Variants in KLLN observed in about 807,000 individuals in gnomAD.
KLLN encodes killin.
For synonymous variants in KLLN, 142 were observed against 102.2 expected, an observed-to-expected ratio of 1.39 and a Z score of -2.35; for missense variants, 340 against 241.3, an observed-to-expected ratio of 1.41 and a Z score of -2.71.
chr10:87,862,211 G>C lies in KLLN; in HGVS notation c.277C>G (p.Arg93Gly), dbSNP rs1321815876. The C allele has an allele frequency of 1.4e-5, 21 of 1,551,548 alleles. No homozygotes were observed. The highest frequency in any genetic ancestry group is 1.6e-5 in the Non-Finnish European group (18 of 1,147,002). ...SGGKSSSSFARGALAWCRQRN... is the reference protein window; with the variant it reads ...SGGKSSSSFAGGALAWCRQRN... ...TGCCTGCACCAGGCAAGAGCACCCC[G>C]AGCAAAGGAAGAAGACGACTTGCCT... is the stretch of plus-strand genomic sequence containing the variant. The change falls in exon 1 of 1, where the codon CGG becomes GGG. Residue 93 changes from arginine to glycine, a missense_variant. Physicochemically the swap from Arg to Gly is moderately radical, Grantham distance 125 (BLOSUM62 -2). Transcript: ENST00000445946.
chr10:87,862,248 A>G lies in KLLN; in HGVS notation c.240T>C (p.Ser80=), dbSNP rs1391751075. The change falls in exon 1 of 1, where the codon AGT becomes AGC. Residue 80 remains serine (S), a synonymous_variant. Coordinates refer to ENST00000445946, the MANE Select transcript of KLLN (RefSeq NM_001126049.2). ...VGELSKFPLP[S]DSSGGKSSSS... ...AAGACGACTTGCCTCCGGAGCTATC[A>G]CTGGGGAGTGGGAATTTGGAAAGTT... 7 of 1,551,598 alleles carry G rather than the reference A, an allele frequency of 4.5e-6. No individual in the cohort carries two copies. The highest frequency in any genetic ancestry group is 6.1e-6 in the Non-Finnish European group (7 of 1,146,992).
At position 87,860,015 on chromosome 10, in the gene KLLN, C is replaced by CAAAAAAAAAAAAAAA. The variant is rs5786795; in HGVS notation, c.*1921_*1935dup. ...CACTCCAGCCTGTGAGACTCCGTCT[C>CAAAAAAAAAAAAAAA]AAAAAAAAAAAAAAAAAAAGAAAAA... On this transcript the variant is annotated 3_prime_UTR_variant, in exon 1 of 1. Coordinates refer to ENST00000445946, the MANE Select transcript of KLLN (RefSeq NM_001126049.2). The CAAAAAAAAAAAAAAA allele has an allele frequency of 3.5e-4, 12 of 34,248 alleles. No individual in the cohort carries two copies. Among genetic ancestry groups the CAAAAAAAAAAAAAAA allele is most frequent in the Non-Finnish European group, 4.0e-4 (6 of 15,138 alleles). The allele number at this position is 34,248 out of a possible 1,614,324, so 2.1% of individuals were successfully genotyped here. A position where few individuals can be genotyped will look rare whatever the true frequency, so the allele number is the denominator to read the frequency against.
Position 87,863,519 on chromosome 10 carries a change from G to A in KLLN, c.-1032C>T. On this transcript the variant is annotated 5_prime_UTR_variant, in exon 1 of 1. Coordinates refer to ENST00000445946, the MANE Select transcript of KLLN (RefSeq NM_001126049.2). Reference sequence around the variant, plus strand: ...GGTCTTCCGAGGCGCCCGGGCTCCCGGCGCGGCGGCGGAGGGGGCGGGCAG... The same window carrying A: ...GGTCTTCCGAGGCGCCCGGGCTCCCAGCGCGGCGGCGGAGGGGGCGGGCAG... 1 of 385,342 alleles carries A rather than the reference G, an allele frequency of 2.6e-6. No homozygotes were observed. 23.9% of individuals were successfully genotyped at this position (385,342 alleles called of 1,614,324 possible).
Position 87,862,251 on chromosome 10 carries a change from G to C in KLLN, c.237C>G (p.Pro79=), listed in dbSNP as rs1030256318. 1 of 1,551,724 alleles carries C rather than the reference G, an allele frequency of 6.4e-7. No homozygotes were observed. The highest frequency in any genetic ancestry group is 8.7e-7 in the Non-Finnish European group (1 of 1,147,000). The change falls in exon 1 of 1, where the codon CCC becomes CCG. Residue 79 remains proline, a synonymous_variant. Coordinates refer to ENST00000445946, the MANE Select transcript of KLLN (RefSeq NM_001126049.2). ...LVGELSKFPL[P]SDSSGGKSSS... ...ACGACTTGCCTCCGGAGCTATCACTGGGGAGTGGGAATTTGGAAAGTTCCC... is the reference window on the plus strand; with the variant it reads ...ACGACTTGCCTCCGGAGCTATCACTCGGGAGTGGGAATTTGGAAAGTTCCC...
rs876661284 is a variant in KLLN at position 87,863,325 on chromosome 10, A to G, written c.-838T>C. ...TGGCGGCTGGGAACCGGCCCGAGCAAGCCCCAGGCAGCTACACTGGGCATG... is the reference window on the plus strand; with the variant it reads ...TGGCGGCTGGGAACCGGCCCGAGCAGGCCCCAGGCAGCTACACTGGGCATG... On this transcript the variant is annotated 5_prime_UTR_variant, in exon 1 of 1. Coordinates refer to ENST00000445946, the MANE Select transcript of KLLN (RefSeq NM_001126049.2). 3.5e-6 allele frequency: 1 copy of G among 282,836 alleles called. No individual in the cohort carries two copies. The highest frequency in any genetic ancestry group is 5.4e-5 in the Admixed American group (1 of 18,522). 17.5% of individuals were successfully genotyped at this position (282,836 alleles called of 1,614,324 possible).
rs867510233 is a variant in KLLN at position 87,861,983 on chromosome 10, C to G, written c.505G>C (p.Ala169Pro). ...TTTGGCTTGCTCTTAGGGTAGCAGG[C>G]GAGGAGTGGCACCAGTTTGGGGACT... ...ERVPKLVPLLACYPKSKPKD is the reference protein window; with the variant it reads ...ERVPKLVPLLPCYPKSKPKD The change falls in exon 1 of 1, where the codon GCC (alanine) becomes CCC (proline). Residue 169 changes from alanine (A) to proline (P), a missense_variant. Ala to Pro is a conservative substitution (Grantham distance 27, BLOSUM62 -1). Transcript: ENST00000445946. 1 of 1,466,608 alleles carries G rather than the reference C, an allele frequency of 6.8e-7. No homozygotes were observed. Among genetic ancestry groups the G allele is most frequent in the Non-Finnish European group, 9.0e-7 (1 of 1,108,250 alleles). 90.8% of individuals were successfully genotyped at this position (1,466,608 alleles called of 1,614,324 possible).
Position 87,862,629 on chromosome 10 carries a change from G to A in KLLN, c.-142C>T. The A allele has an allele frequency of 1.3e-6, 1 of 745,884 alleles. No homozygotes were observed. The highest frequency in any genetic ancestry group is 2.7e-5 in the East Asian group (1 of 36,892). The allele number at this position is 745,884 out of a possible 1,614,324, so 46.2% of individuals were successfully genotyped here. A position where few individuals can be genotyped will look rare whatever the true frequency, so the allele number is the denominator to read the frequency against. On this transcript the variant is annotated 5_prime_UTR_variant, in exon 1 of 1. Coordinates refer to ENST00000445946, the MANE Select transcript of KLLN (RefSeq NM_001126049.2). ...CTTGGGGGCACCGGAGCGGGCGCAGGAGAGGCCTGCGGGGTGCGTCCCACT... is the reference window on the plus strand; with the variant it reads ...CTTGGGGGCACCGGAGCGGGCGCAGAAGAGGCCTGCGGGGTGCGTCCCACT...
chr10:87,862,285 G>T lies in KLLN; in HGVS notation c.203C>A (p.Ser68Tyr). 1.3e-6 allele frequency: 2 copies of T among 1,551,726 alleles called. No individual in the cohort carries two copies. Among genetic ancestry groups the T allele is most frequent in the South Asian group, 2.4e-5 (2 of 84,068 alleles). Residue 68 changes from serine to tyrosine, a missense_variant, in exon 1 of 1, where the codon TCC becomes TAC. Ser to Tyr is a moderately radical substitution (Grantham distance 144). Transcript: ENST00000445946. The stretch of plus-strand genomic sequence containing the variant: ...GAATTTGGAAAGTTCCCCAACTAGG[G>T]ACACACGTGACCTCCTTCGGAAAGT... ...GTTFRRRSRV[S>Y]LVGELSKFPL...
chr10:87,862,061 G>A lies in KLLN; in HGVS notation c.427C>T (p.Pro143Ser). Residue 143 changes from proline (P) to serine (S), a missense_variant, in exon 1 of 1, where the codon CCC becomes TCC. Pro to Ser is a moderately conservative substitution (Grantham distance 74). Transcript: ENST00000445946. ...GGCAGCCAGCAGGCGGGGAGGCGGG[G>A]GCACGTGTTTGGATGTGGGTGCTTG... ...LHKHPHPNTCPRLPACWLPPI... is the reference protein window; with the variant it reads ...LHKHPHPNTCSRLPACWLPPI... The A allele has an allele frequency of 6.7e-7, 1 of 1,498,774 alleles. No individual in the cohort carries two copies. Among genetic ancestry groups the A allele is most frequent in the Admixed American group, 2.3e-5 (1 of 43,028 alleles). 92.8% of individuals were successfully genotyped at this position (1,498,774 alleles called of 1,614,324 possible). A position where few individuals can be genotyped will look rare whatever the true frequency, so the allele number is the denominator to read the frequency against.
At position 87,861,418 on chromosome 10, in the gene KLLN, T is replaced by C. The variant is rs1158307852; in HGVS notation, c.*533A>G. Reference sequence around the variant, plus strand: ...CAACCTAGGTCTCGTTAGATATTTTTTGACTCAAATTGTCGTCTGTAGTTC... The same window carrying C: ...CAACCTAGGTCTCGTTAGATATTTTCTGACTCAAATTGTCGTCTGTAGTTC... On this transcript the variant is annotated 3_prime_UTR_variant, in exon 1 of 1. Transcript: ENST00000445946. 3 of 152,878 alleles carry C rather than the reference T, an allele frequency of 2.0e-5. No individual in the cohort carries two copies. The highest frequency in any genetic ancestry group is 7.2e-5 in the African/African-American group (3 of 41,490). The allele number at this position is 152,878 out of a possible 1,614,324, so 9.5% of individuals were successfully genotyped here.
rs1218806407 is a variant in KLLN, at chr10:87,863,411, C to G, written c.-924G>C. 2.7e-6 allele frequency: 1 copy of G among 366,886 alleles called. No individual in the cohort carries two copies. The allele number at this position is 366,886 out of a possible 1,614,324, so 22.7% of individuals were successfully genotyped here. On this transcript the variant is annotated 5_prime_UTR_variant, in exon 1 of 1. Transcript: ENST00000445946. ...GCACCCAGAGCTACCGCTCTGCCCC[C>G]TCCTACCGCCCCCTGCCCTGCCCTG...
In KLLN at chr10:87,862,806, G is replaced by A; in HGVS notation, c.-319C>T. On this transcript the variant is annotated 5_prime_UTR_variant, in exon 1 of 1. Coordinates refer to ENST00000445946, the MANE Select transcript of KLLN (RefSeq NM_001126049.2). ...CCGGGGAAGCGAGAGGTGGGGCGCT[G>A]CAAGGGAGCCGGATGAGGTGATACA... 1 of 446,874 alleles carries A rather than the reference G, an allele frequency of 2.2e-6. No individual in the cohort carries two copies. The highest frequency in any genetic ancestry group is 3.8e-5 in the East Asian group (1 of 26,614). 27.7% of individuals were successfully genotyped at this position (446,874 alleles called of 1,614,324 possible). A position where few individuals can be genotyped will look rare whatever the true frequency, so the allele number is the denominator to read the frequency against.
rs1858279097 is a variant in KLLN, at chr10:87,862,293, T to G, written c.195A>C (p.Ser65=). 3.2e-6 allele frequency: 5 copies of G among 1,551,632 alleles called. No individual in the cohort carries two copies. The highest frequency in any genetic ancestry group is 1.4e-5 in the African/African-American group (1 of 73,052). ...ATVGTTFRRR[S]RVSLVGELSK... is the part of the protein sequence containing the mutation. ...AAAGTTCCCCAACTAGGGACACACG[T>G]GACCTCCTTCGGAAAGTAGTTCCGA... Residue 65 remains serine (S), a synonymous_variant, in exon 1 of 1, where the codon TCA becomes TCC. Transcript: ENST00000445946.
rs1453370929 is a variant in KLLN at position 87,863,334 on chromosome 10, C to A, written c.-847G>T. ...GGAACCGGCCCGAGCAAGCCCCAGG[C>A]AGCTACACTGGGCATGCTCAGTAGA... On this transcript the variant is annotated 5_prime_UTR_variant, in exon 1 of 1. Coordinates refer to ENST00000445946, the MANE Select transcript of KLLN (RefSeq NM_001126049.2). 2 of 297,534 alleles carry A rather than the reference C, an allele frequency of 6.7e-6. No homozygotes were observed. Among genetic ancestry groups the A allele is most frequent in the East Asian group, 1.1e-4 (2 of 18,512 alleles). The allele number at this position is 297,534 out of a possible 1,614,324, so 18.4% of individuals were successfully genotyped here.
the KLLN span, chr10:87,862,169 AAGGG>A: frequency 6.4e-7 from 1 of 1,551,298 alleles, no homozygotes; most frequent in African/African-American, 1.4e-5. Flanking sequence ...GCGGCGCAGG[AAGGG>A]TTGGGGTTCC....
Position 87,862,046 on chromosome 10 carries a change from A to G in KLLN, c.442T>C (p.Cys148Arg), listed in dbSNP as rs1478683393. The change falls in exon 1 of 1, where the codon TGC (cysteine) becomes CGC (arginine). Residue 148 changes from cysteine to arginine, a missense_variant. Transcript: ENST00000445946. ...HPNTCPRLPA[C>R]WLPPILTERG... Reference sequence around the variant, plus strand: ...TCTGTAAGAATCGGCGGCAGCCAGCAGGCGGGGAGGCGGGGGCACGTGTTT... The same window carrying G: ...TCTGTAAGAATCGGCGGCAGCCAGCGGGCGGGGAGGCGGGGGCACGTGTTT... The G allele has an allele frequency of 2.7e-6, 4 of 1,490,420 alleles. No individual in the cohort carries two copies. The South Asian group carries it at 5.4e-5, about 20-fold the overall frequency. 92.3% of individuals were successfully genotyped at this position (1,490,420 alleles called of 1,614,324 possible). A position where few individuals can be genotyped will look rare whatever the true frequency, so the allele number is the denominator to read the frequency against.
Position 87,862,009 on chromosome 10 carries a change from C to A in KLLN, c.479G>T (p.Arg160Ile), listed in dbSNP as rs1858265609. 6.8e-7 allele frequency: 1 copy of A among 1,478,776 alleles called. No individual in the cohort carries two copies. Among genetic ancestry groups the A allele is most frequent in the Non-Finnish European group, 9.0e-7 (1 of 1,113,764 alleles). The allele number at this position is 1,478,776 out of a possible 1,614,324, so 91.6% of individuals were successfully genotyped here. A position where few individuals can be genotyped will look rare whatever the true frequency, so the allele number is the denominator to read the frequency against. Reference protein sequence around the residue: ...LPPILTERGERVPKLVPLLAC... With the variant: ...LPPILTERGEIVPKLVPLLAC... The stretch of plus-strand genomic sequence containing the variant: ...GAGGAGTGGCACCAGTTTGGGGACT[C>A]TCTCCCCGCGTTCTGTAAGAATCGG... The change falls in exon 1 of 1, where the codon AGA becomes ATA. Residue 160 changes from arginine to isoleucine, a missense_variant. Coordinates refer to ENST00000445946, the MANE Select transcript of KLLN (RefSeq NM_001126049.2).
At position 87,862,315 on chromosome 10, in the gene KLLN, C is replaced by G. The variant is rs1173072586; in HGVS notation, c.173G>C (p.Gly58Ala). 3 of 1,551,752 alleles carry G rather than the reference C, an allele frequency of 1.9e-6. No homozygotes were observed. Among genetic ancestry groups the G allele is most frequent in the East Asian group, 2.4e-5 (1 of 40,928 alleles). The change falls in exon 1 of 1, where the codon GGA (glycine) becomes GCA (alanine). Residue 58 changes from glycine (G) to alanine (A), a missense_variant. Transcript: ENST00000445946. ...RRWKDTRATV[G>A]TTFRRRSRVS... ...ACGTGACCTCCTTCGGAAAGTAGTT[C>G]CGACTGTGGCCCGTGTATCCTTCCA...
At position 87,859,365 on chromosome 10, in the gene KLLN, T is replaced by A. The variant is rs557052599; in HGVS notation, c.*2586A>T. 8 of 152,244 alleles carry A rather than the reference T, an allele frequency of 5.3e-5. No individual in the cohort carries two copies. Among genetic ancestry groups the A allele is most frequent in the Non-Finnish European group, 1.2e-4 (8 of 68,010 alleles). The allele number at this position is 152,244 out of a possible 1,614,324, so 9.4% of individuals were successfully genotyped here. ...AAGATTGTTTAAAAATTAAAGCTATTGAGTTAGATCCCTTTTTGAAAGGTC... is the reference window on the plus strand; with the variant it reads ...AAGATTGTTTAAAAATTAAAGCTATAGAGTTAGATCCCTTTTTGAAAGGTC... On this transcript the variant is annotated 3_prime_UTR_variant, in exon 1 of 1. Coordinates refer to ENST00000445946, the MANE Select transcript of KLLN (RefSeq NM_001126049.2).
Sources: gnomAD v4.1 joint callset for allele counts on GRCh38, gnomAD v4.1.1 for gene constraint, MANE v1.5 for transcripts, NCBI Gene and HGNC (gene_info 2026-07-23, HGNC 2026-07-21) for gene names.